The following VPS13D variants were observed in gnomAD, a reference collection of about 807,000 sequenced individuals.
The protein encoded by VPS13D is intermembrane lipid transfer protein VPS13D.
VPS13D carries 187 observed loss-of-function variants against 461.9 expected under a neutral mutation model. The ratio of observed to expected loss-of-function variants is 0.40; its 90% CI spans 0.36 to 0.46. VPS13D has a LOEUF of 0.46. Ranked by LOEUF, VPS13D falls within the 20% of genes least tolerant of loss-of-function variation. The pLI is 0.60. For missense variants in VPS13D, 4,711 were observed against 5,364.9 expected, an observed-to-expected ratio of 0.88 and a Z score of 3.81; for synonymous variants, 1,951 against 1,986.3, an observed-to-expected ratio of 0.98 and a Z score of 0.47.
intron 17 of VPS13D, among the ~76,000 whole-genome samples, 185 bp from the exon 18 acceptor site, chr1:12,272,818 G>C (rs1641491780): frequency 6.6e-6 from 1 of 151,922 alleles, no homozygotes; most frequent in Admixed American, 6.6e-5. Flanking sequence ...TCAGATACTT[G>C]TCTGTGGTAA....
intron 26 of VPS13D, among the ~76,000 whole-genome samples, chr1:12,307,697 G>T (rs930762093): frequency 1.3e-5 from 2 of 152,058 alleles, no homozygotes; most frequent in Non-Finnish European, 2.9e-5. Context: ...TCACCATGTT[G>T]GCCAGGCTGG....
chr1:12,353,532 C>CAAAAAAAAAAAAAAAAAA (rs79787458), intron 46 of VPS13D, among the ~76,000 whole-genome samples: 2 of 36,370 alleles, frequency 5.5e-5, no homozygotes, highest in Non-Finnish European at 1.1e-4. Context: ...GACTGCATCT[C>CAAAAAAAAAAAAAAAAAA]AAAAAAAAAA....
intron 7 of VPS13D, among the ~76,000 whole-genome samples, chr1:12,256,113 G>A (rs1453407072): frequency 1.3e-5 from 2 of 152,112 alleles, no homozygotes; most frequent in Non-Finnish European, 2.9e-5. Flanking sequence ...AGGATCACTT[G>A]AGCCTTGGGG....
chr1:12,472,034 C>T (rs1557460721), intron 67 of VPS13D, among the ~76,000 whole-genome samples: 2 of 152,150 alleles, frequency 1.3e-5, no homozygotes, highest in Non-Finnish European at 2.9e-5. Context: ...CTCTTGATGT[C>T]CTCTGCTCCC....
rs1643909703 is a variant in VPS13D at position 12,358,683 on chromosome 1, T to A, written c.10141+82T>A. Reference sequence around the variant, plus strand: ...TTGGAGGAATGACCTGGCCATGCATTTTGGCCTGACTACAAGTACTGATTT... The same window carrying A: ...TTGGAGGAATGACCTGGCCATGCATATTGGCCTGACTACAAGTACTGATTT... On this transcript the variant is annotated intron_variant, in intron 50 of 69. Transcript: ENST00000620676. 7 of 1,543,314 alleles carry A rather than the reference T, an allele frequency of 4.5e-6. No individual in the cohort carries two copies. The East Asian group carries it at 1.6e-4, about 35-fold the overall frequency.
At chr1:12,231,203 G>A (rs972584224) in intron 1 of VPS13D, among the ~76,000 whole-genome samples, 1 of 152,210 alleles carries the variant, frequency 6.6e-6, no homozygotes, top group Admixed American at 6.5e-5. Context: ...CCAGGTGGGG[G>A]TTAGTGCCAG....
intron 56 of VPS13D, 105 bp downstream of exon 56, chr1:12,378,696 A>G (rs1197314576): frequency 2.4e-6 from 3 of 1,235,478 alleles, no homozygotes; most frequent in Admixed American, 3.5e-5. Flanking sequence ...GTAAAAATGT[A>G]TATTTTTTTC....
chr1:12,303,176 A>G (rs1169973014), intron 25 of VPS13D, among the ~76,000 whole-genome samples: 2 of 152,238 alleles, frequency 1.3e-5, no homozygotes, highest in African/African-American at 4.8e-5. Flanking sequence ...AGAACAGGAA[A>G]TAATCCTGAA....
At chr1:12,310,813 C>CTCCCTCCT (rs1557701277) in intron 27 of VPS13D, among the ~76,000 whole-genome samples, 1 of 115,886 alleles carries the variant, frequency 8.6e-6, no homozygotes. Context: ...CCCTCCCTCC[C>CTCCCTCCT]TCCCTCCTTC....
intron 67 of VPS13D, among the ~76,000 whole-genome samples, chr1:12,493,790 C>T (rs982042809): frequency 6.6e-6 from 1 of 152,174 alleles, no homozygotes; most frequent in Non-Finnish European, 1.5e-5. Context: ...TTTAGTAATT[C>T]TTTAAGATTG....
At chr1:12,258,364 G>A (rs2101273185) in intron 10 of VPS13D, among the ~76,000 whole-genome samples, 1 of 152,116 alleles carries the variant, frequency 6.6e-6, no homozygotes, top group East Asian at 1.9e-4. Flanking sequence ...CCACACCCCT[G>A]CCCCCCAGCT....
intron 65 of VPS13D, among the ~76,000 whole-genome samples, chr1:12,442,316 A>G (rs1026229255): frequency 3.3e-5 from 5 of 152,214 alleles, no homozygotes; most frequent in Non-Finnish European, 7.3e-5. Flanking sequence ...AATTTATTAT[A>G]TATTTTATAC....
chr1:12,285,134 CA>C (rs1641921497), intron 21 of VPS13D, among the ~76,000 whole-genome samples: 1 of 152,172 alleles, frequency 6.6e-6, no homozygotes, highest in South Asian at 2.1e-4. Flanking sequence ...GAATTTTTGA[CA>C]AACATTTTTA....
intron 50 of VPS13D, among the ~76,000 whole-genome samples, chr1:12,361,421 A>T: frequency 7.1e-6 from 1 of 141,162 alleles, no homozygotes; most frequent in Non-Finnish European, 1.5e-5. Context: ...TTTGAGACGG[A>T]GTCTCGCTCT....
Position 12,492,863 on chromosome 1 carries a change from A to G in VPS13D, c.12663-4637A>G, listed in dbSNP as rs531755884. Among the ~76,000 whole-genome samples, 8 of 152,376 alleles carry G rather than the reference A, an allele frequency of 5.3e-5. No individual in the cohort carries two copies. In the South Asian group the frequency reaches 1.4e-3, roughly 28 times the overall value. On this transcript the variant is annotated intron_variant, in intron 67 of 69. Transcript: ENST00000620676. ...CCTGAATCTTAGCAATGTGACAGCG[A>G]CATCCTTTTTCAAAAGCCCAAAACT...
Position 12,240,669 on chromosome 1 carries a change from GC to G in VPS13D, c.98-1839del, listed in dbSNP as rs1557658350. Among the ~76,000 whole-genome samples, 4 of 147,166 alleles carry G rather than the reference GC, an allele frequency of 2.7e-5. No individual in the cohort carries two copies. In the South Asian group the frequency reaches 8.6e-4, roughly 32 times the overall value. On this transcript the variant is annotated intron_variant, in intron 2 of 69. Transcript: ENST00000620676. The stretch of plus-strand genomic sequence containing the variant: ...CTTCAAAAGAAGAAACTATTTAATT[GC>G]CCCCATTAAGTCTGTTTCAACCAAG...
At chr1:12,330,728 A>G (rs1569926718) in intron 37 of VPS13D, among the ~76,000 whole-genome samples, 1 of 151,934 alleles carries the variant, frequency 6.6e-6, no homozygotes, top group East Asian at 2.0e-4. Context: ...CACCATGCCC[A>G]GCTAATTTTT....
At chr1:12,282,259 T>C (rs1641808367) in intron 20 of VPS13D, among the ~76,000 whole-genome samples, 1 of 152,210 alleles carries the variant, frequency 6.6e-6, no homozygotes, top group South Asian at 2.1e-4. Context: ...TAATCATGGA[T>C]CATCATCATT....
Position 12,283,053 on chromosome 1 carries a change from G to A in VPS13D, c.4951G>A (p.Glu1651Lys). ...TGTGAGCTTAAAGTTTCAGGACTTT[G>A]AGGTGGAATTCAGTAAAGACCATCC... The part of the protein sequence containing the change: ...GLVSLKFQDF[E>K]VEFSKDHPQT... Residue 1651 changes from glutamate (E) to lysine (K), a missense_variant, in exon 21 of 70, where the codon GAG becomes AAG. By Grantham distance (56) the Glu-to-Lys change is moderately conservative. Coordinates refer to ENST00000620676, the MANE Select transcript of VPS13D (RefSeq NM_015378.4). 1 of 1,614,180 alleles carries A rather than the reference G, an allele frequency of 6.2e-7. No homozygotes were observed. Among genetic ancestry groups the A allele is most frequent in the Non-Finnish European group, 8.5e-7 (1 of 1,180,026 alleles).
Sources: allele counts gnomAD v4.1 joint callset (sites outside exome capture counted in the v4.1 genomes callset), GRCh38; gene constraint gnomAD v4.1.1; transcripts MANE v1.5; gene names NCBI Gene and HGNC (gene_info 2026-07-23, HGNC 2026-07-21).